Variants in SPATA24 observed in about 807,000 individuals in gnomAD.
SPATA24 encodes the protein spermatogenesis-associated protein 24.
SPATA24 carries 21 observed loss-of-function variants against 28.9 expected under a neutral mutation model. The ratio of observed to expected loss-of-function variants is 0.73; its 90% CI spans 0.52 to 1.05. The LOEUF is 1.05. Ranked by LOEUF, SPATA24 falls within the 50% of genes least tolerant of loss-of-function variation. SPATA24 has a pLI of 0.00. For missense variants in SPATA24, 215 were observed against 242.9 expected (o/e 0.88, Z 0.76); for synonymous variants, 76 against 89.9 (o/e 0.85, Z 0.88).
intron 2 of SPATA24, 71 bp from the exon 3 acceptor site, chr5:139,402,116 C>T (rs1758838101): frequency 1.3e-6 from 2 of 1,498,224 alleles, no homozygotes; most frequent in Non-Finnish European, 1.8e-6. Flanking sequence ...TTAACCAGCC[C>T]CCCTTCTCAG....
downstream of SPATA24, chr5:139,392,821 C>T (rs1213165773): frequency 6.6e-7 from 1 of 1,519,750 alleles, no homozygotes; most frequent in Admixed American, 2.2e-5. The surrounding 1 kb of genome is among the most constrained non-coding windows in gnomAD (Gnocchi z 5.8). Flanking sequence ...TCCAGGGCCG[C>T]GCGCTCGCAC....
At chr5:139,392,532 CTGGGCTGGGG>C, downstream of SPATA24, 1 of 1,351,394 alleles carries the variant, frequency 7.4e-7, no homozygotes, top group Non-Finnish European at 9.5e-7. The surrounding 1 kb of genome is among the most constrained non-coding windows in gnomAD (Gnocchi z 5.8). Context: ...CAGCGCGGGG[CTGGGCTGGGG>C]CCGTCCTGCC....
At chr5:139,393,093 G>C, downstream of SPATA24, 1 of 1,524,032 alleles carries the variant, frequency 6.6e-7, no homozygotes, top group Non-Finnish European at 8.8e-7. Flanking sequence ...CTTGCGTCTT[G>C]GATTCGCCGC....
downstream of SPATA24, chr5:139,393,865 C>T (rs867863709): frequency 1.3e-6 from 2 of 1,551,088 alleles, no homozygotes; most frequent in South Asian, 1.2e-5. Context: ...GCAGCGAGGA[C>T]CCCGTACAGC....
chr5:139,403,730 G>A (rs564042866), intron 1 of SPATA24, among the ~76,000 whole-genome samples: 13 of 152,366 alleles, frequency 8.5e-5, no homozygotes, highest in African/African-American at 3.1e-4. Context: ...GCAAACGGAA[G>A]GGAGAATATG....
chr5:139,395,082 G>A (rs1383768923), downstream of SPATA24: 9 of 1,399,878 alleles, frequency 6.4e-6, no homozygotes, highest in East Asian at 2.7e-4. Context: ...CGGTCAGCAT[G>A]GTGGGGCCGG....
chr5:139,394,155 G>A, downstream of SPATA24: 1 of 1,546,358 alleles, frequency 6.5e-7, no homozygotes, highest in Non-Finnish European at 8.7e-7. Context: ...TCGGGGCCTT[G>A]GCGGGGGCCG....
At chr5:139,394,300 G>A, downstream of SPATA24, 3 of 1,514,848 alleles carry the variant, frequency 2.0e-6, no homozygotes, top group Non-Finnish European at 2.7e-6. Flanking sequence ...CGGGGCCTCG[G>A]GGCTCAGTTT....
At chr5:139,394,237 C>T (rs535077464), downstream of SPATA24, 13 of 1,548,562 alleles carry the variant, frequency 8.4e-6, no homozygotes, top group South Asian at 1.4e-4. Context: ...GGCCGTTTCC[C>T]GGGTCTCAGG....
chr5:139,395,088 G>C, downstream of SPATA24: 1 of 1,396,330 alleles, frequency 7.2e-7, no homozygotes, highest in South Asian at 1.6e-5. Context: ...GCATGGTGGG[G>C]CCGGACGCCG....
chr5:139,404,056 G>T lies in SPATA24; in HGVS notation c.5C>A (p.Ala2Glu). M[A>E]TPLGWSKAGS... is the part of the protein sequence containing the mutation. Reference sequence around the variant, plus strand: ...CGCCTTCGACCACCCGAGGGGCGTCGCCATCTTCCGCCCCCGCCAGCTAGT... The same window carrying T: ...CGCCTTCGACCACCCGAGGGGCGTCTCCATCTTCCGCCCCCGCCAGCTAGT... The change falls in exon 1 of 6, where the codon GCG becomes GAG. Residue 2 changes from alanine to glutamate, a missense_variant. Transcript: ENST00000450845. The T allele has an allele frequency of 6.4e-7, 1 of 1,550,850 alleles. No individual in the cohort carries two copies. Among genetic ancestry groups the T allele is most frequent in the East Asian group, 2.4e-5 (1 of 40,894 alleles).
intron 2 of SPATA24, among the ~76,000 whole-genome samples, chr5:139,402,417 A>G (rs976644994): frequency 1.6e-4 from 24 of 150,462 alleles, no homozygotes; most frequent in African/African-American, 3.9e-4. Flanking sequence ...ATTTTTTTGT[A>G]TTTTTAGTAG....
Position 139,401,802 on chromosome 5 carries a change from A to G in SPATA24, c.338T>C (p.Val113Ala), listed in dbSNP as rs1758827500. 3.9e-6 allele frequency: 6 copies of G among 1,551,296 alleles called. No homozygotes were observed. The highest frequency in any genetic ancestry group is 5.2e-6 in the Non-Finnish European group (6 of 1,146,910). Residue 113 changes from valine to alanine, a missense_variant, in exon 4 of 6, where the codon GTC becomes GCC. Physicochemically the swap from Val to Ala is moderately conservative, Grantham distance 64. Transcript: ENST00000450845. The part of the protein sequence containing the change: ...EKALSSVKSK[V>A]LQESSKKDQL... ...GTCCTTCTTGCTGGACTCCTGAAGG[A>G]CTTTGCTCTTGACACTGGAGAGCCT... is the stretch of plus-strand genomic sequence containing the variant.
chr5:139,392,723 G>T, downstream of SPATA24: 1 of 1,416,450 alleles, frequency 7.1e-7, no homozygotes. The surrounding 1 kb of genome is among the most constrained non-coding windows in gnomAD (Gnocchi z 5.8). Flanking sequence ...GGGGAGCGCT[G>T]GGATGAGCTG....
chr5:139,396,878 G>C lies in SPATA24; in HGVS notation c.540C>G (p.Ala180=). The C allele has an allele frequency of 6.4e-7, 1 of 1,551,690 alleles. No homozygotes were observed. The highest frequency in any genetic ancestry group is 8.7e-7 in the Non-Finnish European group (1 of 1,146,992). Residue 180 remains alanine, a synonymous_variant, in exon 6 of 6, where the codon GCC becomes GCG. Transcript: ENST00000450845. Reference sequence around the variant, plus strand: ...TCTTATGCTTCTGGTCCAGCACCTGGGCCATGTAGCTCTCCTGCTGCTTCT... The same window carrying C: ...TCTTATGCTTCTGGTCCAGCACCTGCGCCATGTAGCTCTCCTGCTGCTTCT... ...RIQKQQESYM[A]QVLDQKHKKA... is the part of the protein sequence containing the mutation.
At chr5:139,403,109 A>G (rs962677494) in intron 1 of SPATA24, among the ~76,000 whole-genome samples, 1 of 152,200 alleles carries the variant, frequency 6.6e-6, no homozygotes, top group African/African-American at 2.4e-5. Flanking sequence ...GGGGACACAC[A>G]TGCCAAGGTC....
chr5:139,397,975 A>G, intron 4 of SPATA24, among the ~76,000 whole-genome samples: 1 of 152,226 alleles, frequency 6.6e-6, no homozygotes, highest in Non-Finnish European at 1.5e-5. Flanking sequence ...TCACGGCTTT[A>G]TCCCTAAGGC....
chr5:139,395,305 G>A (rs1758680936), downstream of SPATA24: 1 of 414,054 alleles, frequency 2.4e-6, no homozygotes, highest in East Asian at 3.8e-5. Context: ...ACAAGCCGGA[G>A]TACCTGGGGT....
At chr5:139,401,166 C>T (rs1489737260) in intron 4 of SPATA24, among the ~76,000 whole-genome samples, 1 of 151,964 alleles carries the variant, frequency 6.6e-6, no homozygotes, top group Non-Finnish European at 1.5e-5. Flanking sequence ...AAAAATAAAA[C>T]AACTTGGTTT....
Sources: gnomAD v4.1 joint callset for allele counts (sites outside exome capture counted in the v4.1 genomes callset) on GRCh38, gnomAD v4.1.1 for gene constraint, Gnocchi (gnomAD v3.1) non-coding constraint, MANE v1.5 for transcripts, NCBI Gene and HGNC (gene_info 2026-07-23, HGNC 2026-07-21) for gene names.